The following PARD3B variants were observed in gnomAD, a reference collection of about 807,000 sequenced individuals.
The protein encoded by PARD3B is par-3 family cell polarity regulator beta.
PARD3B carries 103 observed loss-of-function variants against 130.2 expected under a neutral mutation model. The ratio of observed to expected loss-of-function variants is 0.79; its 90% CI spans 0.67 to 0.93. The LOEUF (loss-of-function observed/expected upper bound fraction) is 0.93. PARD3B is among the 40% of genes least tolerant of loss of function. PARD3B has a pLI of 0.00. For missense variants in PARD3B, 1,609 were observed against 1,499.2 expected (o/e 1.07, Z -1.21); for synonymous variants, 583 against 553.2 (o/e 1.05, Z -0.76).
At chr2:205,193,593 G>A (rs2036511660) in intron 15 of PARD3B, among the ~76,000 whole-genome samples, 1 of 152,184 alleles carries the variant, frequency 6.6e-6, no homozygotes, top group African/African-American at 2.4e-5. Flanking sequence ...TCCTTCTGGA[G>A]GATCTGAATT....
At chr2:204,984,128 A>G (rs188088402) in intron 3 of PARD3B, among the ~76,000 whole-genome samples, 2 of 152,098 alleles carry the variant, frequency 1.3e-5, no homozygotes, top group East Asian at 3.9e-4. Context: ...TCAAAATTAT[A>G]TATATATTTA....
chr2:205,416,995 A>G (rs2106076088), intron 19 of PARD3B, among the ~76,000 whole-genome samples: 1 of 151,676 alleles, frequency 6.6e-6, no homozygotes, highest in African/African-American at 2.4e-5. Flanking sequence ...TTTGTTACAT[A>G]TGTATACATG....
At chr2:205,186,813 A>G (rs565903422) in intron 14 of PARD3B, among the ~76,000 whole-genome samples, 1 of 152,330 alleles carries the variant, frequency 6.6e-6, no homozygotes, top group South Asian at 2.1e-4. Context: ...GGTTTCATAA[A>G]AGAAAATGTG....
At chr2:205,095,876 A>G (rs1293092377) in intron 4 of PARD3B, among the ~76,000 whole-genome samples, 1 of 152,140 alleles carries the variant, frequency 6.6e-6, no homozygotes, top group African/African-American at 2.4e-5. Context: ...AATCTTAACA[A>G]TGAACTCTAA....
chr2:204,661,518 A>G (rs1331673783), intron 1 of PARD3B, among the ~76,000 whole-genome samples: 1 of 152,208 alleles, frequency 6.6e-6, no homozygotes, highest in African/African-American at 2.4e-5. Flanking sequence ...CCATTTCCTC[A>G]TCTCCATCTG....
At chr2:204,662,171 G>A (rs2035839040) in intron 1 of PARD3B, among the ~76,000 whole-genome samples, 1 of 152,180 alleles carries the variant, frequency 6.6e-6, no homozygotes, top group Non-Finnish European at 1.5e-5. Flanking sequence ...TTCATAGATT[G>A]AGTTATGCAG....
At chr2:205,182,035 G>C (rs372927686) in intron 13 of PARD3B, among the ~76,000 whole-genome samples, 1 of 152,216 alleles carries the variant, frequency 6.6e-6, no homozygotes, top group East Asian at 1.9e-4. Flanking sequence ...GCTTACGCCT[G>C]TAATCCCAGC....
At position 205,616,827 on chromosome 2, in the gene PARD3B, C is replaced by G. The variant is rs572100912; in HGVS notation, c.*1014C>G. 6.5e-6 allele frequency: 1 copy of G among 153,094 alleles called. No individual in the cohort carries two copies. Among genetic ancestry groups the G allele is most frequent in the East Asian group, 1.9e-4 (1 of 5,180 alleles). 9.5% of individuals were successfully genotyped at this position (153,094 alleles called of 1,614,324 possible). On this transcript the variant is annotated 3_prime_UTR_variant, in exon 23 of 23. Transcript: ENST00000406610. ...GTGCCAAGCAGTAACCATCTGCACT[C>G]GGGGACAGCGAGGAGCTGACCATGG... is the stretch of plus-strand genomic sequence containing the variant.
intron 20 of PARD3B, among the ~76,000 whole-genome samples, chr2:205,493,798 C>T (rs11890537): frequency 0.03 from 4,469 of 151,406 alleles, 241 homozygotes; most frequent in African/African-American, 0.1. Flanking sequence ...TGCTCTGTTG[C>T]CCAGCCTGGA....
In PARD3B at chr2:204,890,570, T is replaced by TC. The variant is rs1438449710; in HGVS notation, c.223-74576dup. On this transcript the variant is annotated intron_variant, in intron 2 of 22. Transcript: ENST00000406610. This position sits in a 1 kb window ranked among gnomAD's most constrained non-coding sequence, Gnocchi z 4.9. The stretch of plus-strand genomic sequence containing the variant: ...TTGGGTACCATCATTGATTTCCACC[T>TC]CCCCCCACCACATCCCCTTATAGTC... Among the ~76,000 whole-genome samples, 5 of 151,972 alleles carry TC rather than the reference T, an allele frequency of 3.3e-5. No homozygotes were observed. Among genetic ancestry groups the TC allele is most frequent in the African/African-American group, 1.2e-4 (5 of 41,382 alleles).
chr2:204,955,056 G>A (rs1477986058), intron 2 of PARD3B, among the ~76,000 whole-genome samples: 1 of 152,130 alleles, frequency 6.6e-6, no homozygotes, highest in East Asian at 1.9e-4. Context: ...TGAATAGTAT[G>A]TTTGTTATAT....
Position 205,121,882 on chromosome 2 carries a change from A to T in PARD3B, c.1098A>T (p.Ser366=). Residue 366 remains serine, a synonymous_variant, in exon 8 of 23, where the codon TCA becomes TCT. Coordinates refer to ENST00000406610, the MANE Select transcript of PARD3B (RefSeq NM_001302769.2). This position sits in a 1 kb window ranked among gnomAD's most constrained non-coding sequence, Gnocchi z 5.0. The part of the protein sequence containing the change: ...PRLGGKPSSP[S]LSPLMGFGSN... ...TGGGAGGAAAACCATCCTCTCCCTC[A>T]CTCTCGCCTCTCATGGGATTTGGCA... 13 of 1,613,886 alleles carry T rather than the reference A, an allele frequency of 8.1e-6. No homozygotes were observed. Among genetic ancestry groups the T allele is most frequent in the Non-Finnish European group, 1.1e-5 (13 of 1,179,982 alleles).
At chr2:205,382,182 T>C (rs145113993) in intron 18 of PARD3B, among the ~76,000 whole-genome samples, 1 of 152,202 alleles carries the variant, frequency 6.6e-6, no homozygotes, top group Non-Finnish European at 1.5e-5. Context: ...AACATTGCAT[T>C]ATTTGTTGTA....
chr2:204,873,963 T>A (rs1034024083), intron 2 of PARD3B, among the ~76,000 whole-genome samples: 1 of 151,918 alleles, frequency 6.6e-6, no homozygotes, highest in Non-Finnish European at 1.5e-5. Flanking sequence ...GTTAATATGG[T>A]GAAACCCCAT....
chr2:205,515,300 A>G (rs2050749567), intron 21 of PARD3B, among the ~76,000 whole-genome samples: 1 of 152,194 alleles, frequency 6.6e-6, no homozygotes, highest in Non-Finnish European at 1.5e-5. Context: ...TGCTGCAATA[A>G]ACATTTGCGT....
rs183752638 is a variant in PARD3B, at chr2:204,704,001, C to T, written c.222+17719C>T. On this transcript the variant is annotated intron_variant, in intron 2 of 22. Transcript: ENST00000406610. ...AGTATACATTTAGGAAATGATTTGT[C>T]AAATTTTTCCAGATATGGCATAAAT... is the stretch of plus-strand genomic sequence containing the variant. 4.4e-3 allele frequency among the ~76,000 whole-genome samples: 670 copies of T among 151,994 alleles called. 4 individuals carry two copies. Among genetic ancestry groups the T allele is most frequent in the Non-Finnish European group, 7.5e-3 (508 of 67,950 alleles).
At chr2:204,892,835 G>A (rs1391866486) in intron 2 of PARD3B, among the ~76,000 whole-genome samples, 1 of 152,238 alleles carries the variant, frequency 6.6e-6, no homozygotes, top group Non-Finnish European at 1.5e-5. Flanking sequence ...CTGGTTGAAA[G>A]ATCTGGGCTG....
chr2:204,905,544 G>A (rs771707477), intron 2 of PARD3B, among the ~76,000 whole-genome samples: 3 of 152,102 alleles, frequency 2.0e-5, no homozygotes, highest in Admixed American at 1.3e-4. Flanking sequence ...AAATGTAACC[G>A]GTTTTAAAAC....
At chr2:205,357,522 T>C (rs2044238843) in intron 18 of PARD3B, among the ~76,000 whole-genome samples, 1 of 152,156 alleles carries the variant, frequency 6.6e-6, no homozygotes, top group Non-Finnish European at 1.5e-5. Flanking sequence ...AACCAGATTA[T>C]TTGAGCAGGG....
Sources: allele counts gnomAD v4.1 joint callset (sites outside exome capture counted in the v4.1 genomes callset), GRCh38; gene constraint gnomAD v4.1.1; non-coding constraint Gnocchi (gnomAD v3.1); transcripts MANE v1.5; gene names NCBI Gene and HGNC (gene_info 2026-07-23, HGNC 2026-07-21).